Variants in ACOX3 observed in about 807,000 individuals in gnomAD.
ACOX3 encodes the protein acyl-CoA oxidase 3, pristanoyl, also known as peroxisomal acyl-coenzyme A oxidase 3.
In ACOX3, 73 loss-of-function variants were observed where a neutral mutation model predicts 81.5. The ratio of observed to expected loss-of-function variants is 0.90; its 90% confidence interval spans 0.74 to 1.09. The LOEUF is 1.09. Ranked by LOEUF, ACOX3 falls within the 50% of genes least tolerant of loss-of-function variation. The pLI is 0.00. For missense variants in ACOX3, 947 were observed against 928.0 expected, an observed-to-expected ratio of 1.02 and a Z score of -0.27; for synonymous variants, 387 against 375.1, an observed-to-expected ratio of 1.03 and a Z score of -0.37.
In ACOX3 at chr4:8,414,414, A is replaced by G. The variant is rs1560198051; in HGVS notation, c.454-33T>C. On this transcript the variant is annotated intron_variant, in intron 4 of 17. Coordinates refer to ENST00000356406, the MANE Select transcript of ACOX3 (RefSeq NM_003501.3). The surrounding 1 kb of genome is among the most constrained non-coding windows in gnomAD (Gnocchi z 6.1). ...TCAAAGCACAAAATGATGGAAAGCA[A>G]GAAAAGTTCTTTGTGCACATTCCCA... 1 of 1,588,226 alleles carries G rather than the reference A, an allele frequency of 6.3e-7. No individual in the cohort carries two copies. Among genetic ancestry groups the G allele is most frequent in the Non-Finnish European group, 8.6e-7 (1 of 1,156,504 alleles).
At chr4:8,429,439 A>G (rs1220285738) in intron 1 of ACOX3, among the ~76,000 whole-genome samples, 1 of 152,260 alleles carries the variant, frequency 6.6e-6, no homozygotes, top group Non-Finnish European at 1.5e-5. Context: ...AGGGGCTTTA[A>G]GACTATTACA....
chr4:8,433,420 C>G (rs774275374), intron 1 of ACOX3, among the ~76,000 whole-genome samples: 31 of 152,236 alleles, frequency 2.0e-4, no homozygotes, highest in Admixed American at 1.4e-3. Context: ...TGATTGCTGG[C>G]AACCACTACA....
Position 8,389,377 on chromosome 4 carries a change from G to T in ACOX3, c.1424-91C>A. 7.2e-7 allele frequency: 1 copy of T among 1,384,992 alleles called. No individual in the cohort carries two copies. The highest frequency in any genetic ancestry group is 1.0e-6 in the Non-Finnish European group (1 of 1,004,816). The allele number at this position is 1,384,992 out of a possible 1,614,324, so 85.8% of individuals were successfully genotyped here. On this transcript the variant is annotated intron_variant, in intron 12 of 17. Transcript: ENST00000356406. This position sits in a 1 kb window ranked among gnomAD's most constrained non-coding sequence, Gnocchi z 5.3. ...GGGGGCACCCCAAAGCACAGAGAGT[G>T]TCCAGAGGACCCGACGGCCACAGAC...
At chr4:8,422,259 A>G (rs540024642) in intron 1 of ACOX3, among the ~76,000 whole-genome samples, 11 of 152,280 alleles carry the variant, frequency 7.2e-5, no homozygotes, top group Non-Finnish European at 1.5e-4. Flanking sequence ...AGAGAGAGAT[A>G]TATAAGTAGT....
rs1720111622 is a variant in ACOX3 at position 8,399,506 on chromosome 4, AG to A, written c.873+49del. 1 of 1,498,860 alleles carries A rather than the reference AG, an allele frequency of 6.7e-7. No homozygotes were observed. The highest frequency in any genetic ancestry group is 9.3e-7 in the Non-Finnish European group (1 of 1,077,482). The allele number at this position is 1,498,860 out of a possible 1,614,324, so 92.8% of individuals were successfully genotyped here. On this transcript the variant is annotated intron_variant, in intron 8 of 17. Coordinates refer to ENST00000356406, the MANE Select transcript of ACOX3 (RefSeq NM_003501.3). This position sits in a 1 kb window ranked among gnomAD's most constrained non-coding sequence, Gnocchi z 4.9. Reference sequence around the variant, plus strand: ...AGGAGCACAGAGCCAGGCCCTGCAGAGGAAGGCACCTGGGAAGCACGGCACA... The same window carrying A: ...AGGAGCACAGAGCCAGGCCCTGCAGAGAAGGCACCTGGGAAGCACGGCACA...
Position 8,382,708 on chromosome 4 carries a change from C to T in ACOX3, c.1538-1101G>A, listed in dbSNP as rs568385619. 7.9e-5 allele frequency among the ~76,000 whole-genome samples: 12 copies of T among 152,284 alleles called. No individual in the cohort carries two copies. In the East Asian group the frequency reaches 1.2e-3, roughly 15 times the overall value. On this transcript the variant is annotated intron_variant, in intron 13 of 17. Transcript: ENST00000356406. This position sits in a 1 kb window ranked among gnomAD's most constrained non-coding sequence, Gnocchi z 4.1. ...AGGTCACTGGGAAGAAAATACCCAA[C>T]GTTGCTGGGCGCAGTGGCTCACACC...
chr4:8,389,111 G>T lies in ACOX3; in HGVS notation c.1537+62C>A. 6 of 1,436,860 alleles carry T rather than the reference G, an allele frequency of 4.2e-6. No individual in the cohort carries two copies. The Admixed American group carries it at 5.3e-5, about 13-fold the overall frequency. The allele number at this position is 1,436,860 out of a possible 1,614,324, so 89.0% of individuals were successfully genotyped here. On this transcript the variant is annotated intron_variant, in intron 13 of 17. Coordinates refer to ENST00000356406, the MANE Select transcript of ACOX3 (RefSeq NM_003501.3). The surrounding 1 kb of genome is among the most constrained non-coding windows in gnomAD (Gnocchi z 5.3). Reference sequence around the variant, plus strand: ...GGGTCCCCTCACCGAGGCACGGTGCGTTTCCTGGTGGGAATGACAGGAAAT... The same window carrying T: ...GGGTCCCCTCACCGAGGCACGGTGCTTTTCCTGGTGGGAATGACAGGAAAT...
At chr4:8,427,776 C>T (rs942091259) in intron 1 of ACOX3, among the ~76,000 whole-genome samples, 2 of 152,248 alleles carry the variant, frequency 1.3e-5, no homozygotes, top group African/African-American at 2.4e-5. Context: ...GTAACAATGC[C>T]TTGCTAGGGC....
Position 8,389,480 on chromosome 4 carries a change from A to G in ACOX3, c.1423+132T>C. The G allele has an allele frequency of 6.8e-7, 1 of 1,471,376 alleles. No homozygotes were observed. Among genetic ancestry groups the G allele is most frequent in the Non-Finnish European group, 9.2e-7 (1 of 1,081,520 alleles). 91.1% of individuals were successfully genotyped at this position (1,471,376 alleles called of 1,614,324 possible). On this transcript the variant is annotated intron_variant, in intron 12 of 17. Coordinates refer to ENST00000356406, the MANE Select transcript of ACOX3 (RefSeq NM_003501.3). The surrounding 1 kb of genome is among the most constrained non-coding windows in gnomAD (Gnocchi z 5.3). ...ATGCCTTGGGGAGTTGGTCGGCACT[A>G]TCTAATAACATTTCTTTCCTTCTGC...
chr4:8,427,526 C>G lies in ACOX3; in HGVS notation c.-14-10991G>C, dbSNP rs1300427594. On this transcript the variant is annotated intron_variant, in intron 1 of 17. Transcript: ENST00000356406. ...CCGGTTGCTGCTCCCGGGCTAGAGA[C>G]TCGCCATTGTTCCCGCACAGCTAAG... Among the ~76,000 whole-genome samples, 8 of 152,336 alleles carry G rather than the reference C, an allele frequency of 5.3e-5. No individual in the cohort carries two copies. The East Asian group carries it at 1.5e-3, about 29-fold the overall frequency.
chr4:8,400,830 G>A lies in ACOX3; in HGVS notation c.777-1178C>T, dbSNP rs890548946. Among the ~76,000 whole-genome samples, 1 of 152,174 alleles carries A rather than the reference G, an allele frequency of 6.6e-6. No individual in the cohort carries two copies. The highest frequency in any genetic ancestry group is 2.4e-5 in the African/African-American group (1 of 41,434). On this transcript the variant is annotated intron_variant, in intron 7 of 17. Coordinates refer to ENST00000356406, the MANE Select transcript of ACOX3 (RefSeq NM_003501.3). The surrounding 1 kb of genome is among the most constrained non-coding windows in gnomAD (Gnocchi z 4.4). Reference sequence around the variant, plus strand: ...ACAATTTTTCCACGAATGAGGGGGAGGTGGGAGTGGTTTCGGGATGATTCA... The same window carrying A: ...ACAATTTTTCCACGAATGAGGGGGAAGTGGGAGTGGTTTCGGGATGATTCA...
chr4:8,437,625 C>T lies in ACOX3; in HGVS notation c.-15+3023G>A, dbSNP rs1248931238. On this transcript the variant is annotated intron_variant, in intron 1 of 17. Coordinates refer to ENST00000356406, the MANE Select transcript of ACOX3 (RefSeq NM_003501.3). This position sits in a 1 kb window ranked among gnomAD's most constrained non-coding sequence, Gnocchi z 5.2. Reference sequence around the variant, plus strand: ...GATTAGCAATGCGAGAGGACGTGGACACGGATGTAGACGTGGAAGAAGTCA... The same window carrying T: ...GATTAGCAATGCGAGAGGACGTGGATACGGATGTAGACGTGGAAGAAGTCA... Among the ~76,000 whole-genome samples the T allele has an allele frequency of 1.3e-5, 2 of 152,212 alleles. No individual in the cohort carries two copies. The highest frequency in any genetic ancestry group is 2.9e-5 in the Non-Finnish European group (2 of 68,038).
Position 8,386,341 on chromosome 4 carries a change from C to T in ACOX3, c.1537+2832G>A, listed in dbSNP as rs1032838165. On this transcript the variant is annotated intron_variant, in intron 13 of 17. Transcript: ENST00000356406. The surrounding 1 kb of genome is among the most constrained non-coding windows in gnomAD (Gnocchi z 5.2). ...CAGCACTTCGGGAGGCCAAGGTGGG[C>T]GGATCACGAGGTCAGGATATCGAGA... Among the ~76,000 whole-genome samples the T allele has an allele frequency of 9.9e-5, 15 of 151,892 alleles. No individual in the cohort carries two copies. Among genetic ancestry groups the T allele is most frequent in the South Asian group, 4.2e-4 (2 of 4,818 alleles).
intron 13 of ACOX3, among the ~76,000 whole-genome samples, chr4:8,387,612 C>A (rs73209478): frequency 6.6e-6 from 1 of 152,154 alleles, no homozygotes; most frequent in Non-Finnish European, 1.5e-5. Flanking sequence ...GCTTTACAGA[C>A]GGGGGCTGTG....
At chr4:8,358,992 C>T in the ACOX3 span, among the ~76,000 whole-genome samples, 1 of 152,142 alleles carries the variant, frequency 6.6e-6, no homozygotes, top group Admixed American at 6.5e-5. Flanking sequence ...GATTGGGACC[C>T]CTTTCCTGTA....
In ACOX3 at chr4:8,399,542, C is replaced by T. The variant is rs373666319; in HGVS notation, c.873+14G>A. 5.4e-5 allele frequency: 86 copies of T among 1,604,232 alleles called. 1 individual carries two copies. The highest frequency in any genetic ancestry group is 7.0e-5 in the Non-Finnish European group (82 of 1,171,326). ...TGGGAAGCACGGCACACGAACGGCC[C>T]CCCATGCCTGTACCTTAAAGGGGCT... On this transcript the variant is annotated intron_variant, in intron 8 of 17. Coordinates refer to ENST00000356406, the MANE Select transcript of ACOX3 (RefSeq NM_003501.3). This position sits in a 1 kb window ranked among gnomAD's most constrained non-coding sequence, Gnocchi z 4.9.
At chr4:8,378,502 G>A (rs1190753153) in intron 14 of ACOX3, among the ~76,000 whole-genome samples, 1 of 152,086 alleles carries the variant, frequency 6.6e-6, no homozygotes, top group East Asian at 1.9e-4. Context: ...CAGGCTGCGG[G>A]GACGCCACCA....
Position 8,385,028 on chromosome 4 carries a change from G to GC in ACOX3, c.1538-3422dup, listed in dbSNP as rs1718137969. ...GGACTGTGGCCCCCCACACGCAGCA[G>GC]CCCCCCACCGAGGGCACCATGGCCT... is the stretch of plus-strand genomic sequence containing the variant. On this transcript the variant is annotated intron_variant, in intron 13 of 17. Coordinates refer to ENST00000356406, the MANE Select transcript of ACOX3 (RefSeq NM_003501.3). This position sits in a 1 kb window ranked among gnomAD's most constrained non-coding sequence, Gnocchi z 5.5. Among the ~76,000 whole-genome samples, 3 of 152,246 alleles carry GC rather than the reference G, an allele frequency of 2.0e-5. No individual in the cohort carries two copies. Among genetic ancestry groups the GC allele is most frequent in the South Asian group, 4.1e-4 (2 of 4,822 alleles).
At chr4:8,377,725 C>A (rs931826442) in intron 14 of ACOX3, among the ~76,000 whole-genome samples, 3 of 152,222 alleles carry the variant, frequency 2.0e-5, no homozygotes, top group Non-Finnish European at 4.4e-5. Context: ...TCTGCCATGG[C>A]AACCAGCAGA....
Sources: allele counts gnomAD v4.1 joint callset (sites outside exome capture counted in the v4.1 genomes callset), GRCh38; gene constraint gnomAD v4.1.1; non-coding constraint Gnocchi (gnomAD v3.1); transcripts MANE v1.5; gene names NCBI Gene and HGNC (gene_info 2026-07-23, HGNC 2026-07-21).